The following ZCCHC8 variants were observed in gnomAD, a reference collection of about 807,000 sequenced individuals.
ZCCHC8 encodes zinc finger CCHC domain-containing protein 8.
A neutral mutation model predicts 70.6 loss-of-function variants in ZCCHC8; 27 were observed. The ratio of observed to expected loss-of-function variants is 0.38; its 90% CI spans 0.28 to 0.53. ZCCHC8 has a LOEUF of 0.53. Ranked by LOEUF, ZCCHC8 falls within the 20% of genes least tolerant of loss-of-function variation. The pLI is 0.81. For synonymous variants in ZCCHC8, 293 were observed against 317.4 expected, an observed-to-expected ratio of 0.92 and a Z score of 0.82; for missense variants, 737 against 876.9, an observed-to-expected ratio of 0.84 and a Z score of 2.01.
chr12:122,495,847 CAAAAAAAAAAAAAAAAAAAAAAAAAAAA>C (rs538311699), intron 2 of ZCCHC8, among the ~76,000 whole-genome samples: 8 of 78,312 alleles, frequency 1.0e-4, no homozygotes, highest in Admixed American at 1.6e-4. Flanking sequence ...CACTCTGTCT[CAAAAAAAAAAAAAAAAAAAAAAAAAAAA>C]AAAAAAAAAA....
intron 2 of ZCCHC8, among the ~76,000 whole-genome samples, chr12:122,497,480 T>C (rs556804572): frequency 1.3e-5 from 2 of 152,154 alleles, no homozygotes; most frequent in East Asian, 3.9e-4. Context: ...AGGTGAAGGT[T>C]GCAGTGAGCT....
At chr12:122,475,191 C>T (rs766410276) in intron 13 of ZCCHC8, among the ~76,000 whole-genome samples, 9 of 151,580 alleles carry the variant, frequency 5.9e-5, no homozygotes, top group Non-Finnish European at 1.2e-4. Context: ...GGGATTACAG[C>T]GCACGCCAAC....
At position 122,473,728 on chromosome 12, in the gene ZCCHC8, TG is replaced by T; in HGVS notation, c.1892del (p.Pro631GlnfsTer33). 1 of 1,614,016 alleles carries T rather than the reference TG, an allele frequency of 6.2e-7. No individual in the cohort carries two copies. Among genetic ancestry groups the T allele is most frequent in the Non-Finnish European group, 8.5e-7 (1 of 1,179,886 alleles). ...TGCCCCCATTGCTGATGTCACAGTT[TG>T]GTACGACACTGCCATTATCAAGAAG... is the stretch of plus-strand genomic sequence containing the variant. ...GALLDNGSVV[P>X]NCDISNGGSQ... On this transcript the variant is annotated frameshift_variant, in exon 14 of 14. Coordinates refer to ENST00000633063, the MANE Select transcript of ZCCHC8 (RefSeq NM_017612.5). LOFTEE classifies it low-confidence loss of function (END_TRUNC).
At chr12:122,494,682 C>T (rs1440415053) in intron 2 of ZCCHC8, among the ~76,000 whole-genome samples, 2 of 152,082 alleles carry the variant, frequency 1.3e-5, no homozygotes, top group African/African-American at 4.8e-5. Context: ...GGTGAAACCC[C>T]GACTCTACCA....
chr12:122,497,356 A>T lies in ZCCHC8; in HGVS notation c.242+1471T>A, dbSNP rs1382798804. Among the ~76,000 whole-genome samples the T allele has an allele frequency of 2.6e-5, 4 of 151,958 alleles. No homozygotes were observed. The East Asian group carries it at 7.8e-4, about 30-fold the overall frequency. ...CAGGAGTTCGAGACCAGCCTGGCCA[A>T]CATGGTGAAGCCCCATCTCTACTAA... On this transcript the variant is annotated intron_variant, in intron 2 of 13. Coordinates refer to ENST00000633063, the MANE Select transcript of ZCCHC8 (RefSeq NM_017612.5).
At position 122,500,829 on chromosome 12, in the gene ZCCHC8, C is replaced by T; in HGVS notation, c.12G>A (p.Glu4=). The T allele has an allele frequency of 6.4e-7, 1 of 1,571,738 alleles. No homozygotes were observed. The highest frequency in any genetic ancestry group is 8.6e-7 in the Non-Finnish European group (1 of 1,159,076). The part of the protein sequence containing the change: MAA[E]VYFGDLELFE... The stretch of plus-strand genomic sequence containing the variant: ...AGAGCTCTAGATCGCCAAAATACAC[C>T]TCTGCGGCCATTTTGGGCTGTGGAA... Residue 4 remains glutamate (E), a synonymous_variant, in exon 1 of 14, where the codon GAG becomes GAA. Coordinates refer to ENST00000633063, the MANE Select transcript of ZCCHC8 (RefSeq NM_017612.5). The surrounding 1 kb of genome is among the most constrained non-coding windows in gnomAD (Gnocchi z 4.8).
rs752306665 is a variant in ZCCHC8 at position 122,474,034 on chromosome 12, T to C, written c.1587A>G (p.Ala529=). The stretch of plus-strand genomic sequence containing the variant: ...TTACGCTCTCGGCCTGCTCAAGAGC[T>C]GCCCAGATCCGCCTCTGCTGTTCTT... ...ELEEQQRRIW[A]ALEQAESVNS... Residue 529 remains alanine (A), a synonymous_variant, in exon 14 of 14, where the codon GCA becomes GCG. Coordinates refer to ENST00000633063, the MANE Select transcript of ZCCHC8 (RefSeq NM_017612.5). 2.6e-6 allele frequency: 4 copies of C among 1,535,234 alleles called. No homozygotes were observed. Among genetic ancestry groups the C allele is most frequent in the Admixed American group, 2.2e-5 (1 of 46,484 alleles).
chr12:122,496,270 TA>T (rs1957825308), intron 2 of ZCCHC8, among the ~76,000 whole-genome samples: 2 of 152,144 alleles, frequency 1.3e-5, no homozygotes. Context: ...TTTATCTAAA[TA>T]ATTTAATTTG....
intron 11 of ZCCHC8, 129 bp downstream of exon 11, chr12:122,480,061 C>T: frequency 2.5e-6 from 2 of 798,570 alleles, no homozygotes; most frequent in Non-Finnish European, 3.9e-6. Flanking sequence ...ATCATCTTGC[C>T]TCGGACTCCC....
intron 13 of ZCCHC8, 124 bp from the exon 14 acceptor site, chr12:122,474,399 G>A (rs1456737402): frequency 2.3e-6 from 2 of 859,020 alleles, no homozygotes; most frequent in Non-Finnish European, 3.2e-6. Flanking sequence ...CTTAACATGA[G>A]GGAAATTCTG....
rs559568293 is a variant in ZCCHC8 at position 122,492,845 on chromosome 12, G to A, written c.243-56C>T. On this transcript the variant is annotated intron_variant, in intron 2 of 13. Transcript: ENST00000633063. ...AGATATTTAAGTAAAACTTGCATAC[G>A]TATATATAAACGCATAACTTTTATA... is the stretch of plus-strand genomic sequence containing the variant. The A allele has an allele frequency of 4.7e-5, 55 of 1,165,092 alleles. No homozygotes were observed. The Admixed American group carries it at 5.1e-4, about 11-fold the overall frequency. 72.2% of individuals were successfully genotyped at this position (1,165,092 alleles called of 1,614,324 possible).
intron 2 of ZCCHC8, among the ~76,000 whole-genome samples, chr12:122,496,871 G>A (rs1957833617): frequency 6.6e-6 from 1 of 152,200 alleles, no homozygotes; most frequent in Admixed American, 6.5e-5. Flanking sequence ...TATTGGCCGG[G>A]TGCGGTGGCT....
intron 1 of ZCCHC8, 40 bp from the exon 2 acceptor site, chr12:122,498,909 T>C: frequency 2.5e-6 from 4 of 1,581,630 alleles, no homozygotes; most frequent in East Asian, 2.2e-5. Context: ...CATTTAACAA[T>C]GCAAATCATA....
At chr12:122,477,299 C>T (rs1593313241) in intron 13 of ZCCHC8, among the ~76,000 whole-genome samples, 3 of 148,944 alleles carry the variant, frequency 2.0e-5, no homozygotes, top group South Asian at 2.1e-4. Flanking sequence ...GGACTACAGG[C>T]GCCCACCACC....
intron 2 of ZCCHC8, among the ~76,000 whole-genome samples, chr12:122,493,904 C>T (rs1429150401): frequency 1.3e-5 from 2 of 152,246 alleles, no homozygotes; most frequent in South Asian, 2.1e-4. Flanking sequence ...TGAGCCACCG[C>T]GCCCAGCCTG....
Position 122,473,391 on chromosome 12 carries a change from TTAAACATGGGAGGGA to T in ZCCHC8, c.*91_*105del, listed in dbSNP as rs1957349241. The T allele has an allele frequency of 7.9e-7, 1 of 1,265,326 alleles. No homozygotes were observed. The highest frequency in any genetic ancestry group is 2.7e-5 in the Admixed American group (1 of 36,386). The allele number at this position is 1,265,326 out of a possible 1,614,324, so 78.4% of individuals were successfully genotyped here. A position where few individuals can be genotyped will look rare whatever the true frequency, so the allele number is the denominator to read the frequency against. On this transcript the variant is annotated 3_prime_UTR_variant, in exon 14 of 14. Coordinates refer to ENST00000633063, the MANE Select transcript of ZCCHC8 (RefSeq NM_017612.5). ...TGGAACATGAACCTTGGATAGATTTTTAAACATGGGAGGGACAAACAGGAAAACCATTCTATCTAT... is the reference window on the plus strand; with the variant it reads ...TGGAACATGAACCTTGGATAGATTTTCAAACAGGAAAACCATTCTATCTAT...
At chr12:122,480,167 T>A in intron 11 of ZCCHC8, 23 bp downstream of exon 11, 1 of 1,534,476 alleles carries the variant, frequency 6.5e-7, no homozygotes, top group Non-Finnish European at 8.9e-7. Context: ...CACATGATAA[T>A]TTAAAAAAAT....
rs757677740 is a variant in ZCCHC8 at position 122,483,480 on chromosome 12, G to A, written c.585C>T (p.Ser195=). The A allele has an allele frequency of 1.8e-5, 29 of 1,593,736 alleles. No individual in the cohort carries two copies. The Admixed American group carries it at 3.2e-4, about 17-fold the overall frequency. ...GATACTTGGGTATTTCCCATCCTTC[G>A]GAAAGCTGAGGGTTTTCATTTAGAA... The part of the protein sequence containing the change: ...QPLLNENPQL[S]EGWEIPKYHQ... Residue 195 remains serine (S), a synonymous_variant, in exon 6 of 14, where the codon TCC becomes TCT. Coordinates refer to ENST00000633063, the MANE Select transcript of ZCCHC8 (RefSeq NM_017612.5). This position sits in a 1 kb window ranked among gnomAD's most constrained non-coding sequence, Gnocchi z 4.4.
At position 122,472,015 on chromosome 12, in the gene ZCCHC8, A is replaced by C. The variant is rs1056143995; in HGVS notation, c.*1482T>G. 1 of 152,164 alleles carries C rather than the reference A, an allele frequency of 6.6e-6. No individual in the cohort carries two copies. Among genetic ancestry groups the C allele is most frequent in the Non-Finnish European group, 1.5e-5 (1 of 68,034 alleles). The allele number at this position is 152,164 out of a possible 1,614,324, so 9.4% of individuals were successfully genotyped here. On this transcript the variant is annotated 3_prime_UTR_variant, in exon 14 of 14. Transcript: ENST00000633063. The stretch of plus-strand genomic sequence containing the variant: ...TGTTTATGTTTAATTTTTAATTTTT[A>C]ACTATTAGGGTTCAAATCTAGAAAA...
Sources: gnomAD v4.1 joint callset for allele counts (sites outside exome capture counted in the v4.1 genomes callset) on GRCh38, gnomAD v4.1.1 for gene constraint, Gnocchi (gnomAD v3.1) non-coding constraint, MANE v1.5 for transcripts, NCBI Gene and HGNC (gene_info 2026-07-23, HGNC 2026-07-21) for gene names.